TP73: variants seen among roughly 807,000 people sequenced by gnomAD.
TP73 encodes the protein p53-like transcription factor.
TP73 carries 25 observed loss-of-function variants against 62.5 expected under a neutral mutation model. The observed-to-expected ratio is 0.40, with a 90% confidence interval of 0.29 to 0.56. TP73 has a LOEUF of 0.56. TP73 is among the 20% of genes least tolerant of loss of function. The pLI is 0.46. For missense variants in TP73, 754 were observed against 913.3 expected (o/e 0.83, Z 2.25); for synonymous variants, 423 against 377.5 (o/e 1.12, Z -1.40).
At chr1:3,671,550 C>T (rs1284013824) in intron 1 of TP73, among the ~76,000 whole-genome samples, 2 of 152,186 alleles carry the variant, frequency 1.3e-5, no homozygotes, top group East Asian at 3.9e-4. Flanking sequence ...CTGCAGGAGC[C>T]GGGGCCTCCA....
intron 1 of TP73, among the ~76,000 whole-genome samples, chr1:3,669,664 G>C (rs938806455): frequency 3.3e-5 from 5 of 152,222 alleles, no homozygotes; most frequent in African/African-American, 9.6e-5. Context: ...AGCAAGCCAT[G>C]CCCCGGCCTC....
chr1:3,729,620 C>A, intron 10 of TP73, 172 bp downstream of exon 10: 1 of 1,233,452 alleles, frequency 8.1e-7, no homozygotes, highest in Non-Finnish European at 1.2e-6. Context: ...AGCCTTCTAG[C>A]ACTTGGGGCT....
chr1:3,668,087 C>T (rs180844399), intron 1 of TP73, among the ~76,000 whole-genome samples: 62 of 152,346 alleles, frequency 4.1e-4, no homozygotes, highest in Admixed American at 1.0e-3. Flanking sequence ...TTGAGAGGAG[C>T]CAGGCACCAG....
At chr1:3,707,160 G>A (rs1040736318) in intron 3 of TP73, among the ~76,000 whole-genome samples, 2 of 152,156 alleles carry the variant, frequency 1.3e-5, no homozygotes, top group Non-Finnish European at 2.9e-5. Flanking sequence ...CCCTGGGGCT[G>A]GATCTCCCCA....
chr1:3,732,973 C>T lies in TP73; in HGVS notation c.1805C>T (p.Pro602Leu). The T allele has an allele frequency of 6.2e-7, 1 of 1,600,046 alleles. No individual in the cohort carries two copies. The change falls in exon 14 of 14, where the codon CCA becomes CTA. Residue 602 changes from proline to leucine, a missense_variant. This residue lies in a region of TP73 where 458 missense variants were observed against 528.7 expected (regional missense o/e 0.87). Coordinates refer to ENST00000378295, the MANE Select transcript of TP73 (RefSeq NM_005427.4). The part of the protein sequence containing the change: ...HTITIPNRGG[P>L]GGGPDEWADF... ...ATCACCATCCCCAACCGCGGCGGCC[C>T]AGGCGGCGGCCCTGACGAGTGGGCG...
chr1:3,726,395 G>GCAGA (rs145686205), intron 6 of TP73, among the ~76,000 whole-genome samples: 10 of 91,094 alleles, frequency 1.1e-4, no homozygotes, highest in East Asian at 7.1e-4. Context: ...AAATGGGGGA[G>GCAGA]TGGATGGATG....
At chr1:3,682,932 A>G in intron 2 of TP73, 128 bp from the exon 3 acceptor site, 1 of 1,278,630 alleles carries the variant, frequency 7.8e-7, no homozygotes, top group Admixed American at 2.3e-5. Context: ...GATGAGAGGG[A>G]ATGGGAAGGG....
At position 3,713,673 on chromosome 1, in the gene TP73, C is replaced by A. The variant is rs141179409; in HGVS notation, c.429+5882C>A. Among the ~76,000 whole-genome samples the A allele has an allele frequency of 4.9e-3, 742 of 152,292 alleles. 9 individuals carry two copies. Among genetic ancestry groups the A allele is most frequent in the African/African-American group, 0.016 (679 of 41,558 alleles). On this transcript the variant is annotated intron_variant, in intron 4 of 13. Coordinates refer to ENST00000378295, the MANE Select transcript of TP73 (RefSeq NM_005427.4). ...GCCTCTGGGTAGAGAAGGCCCTGAGCGACCTCCAGACCTTCTGTCCCTTTT... is the reference window on the plus strand; with the variant it reads ...GCCTCTGGGTAGAGAAGGCCCTGAGAGACCTCCAGACCTTCTGTCCCTTTT...
chr1:3,728,069 A>G, intron 8 of TP73, 60 bp from the exon 9 acceptor site: 2 of 1,507,630 alleles, frequency 1.3e-6, no homozygotes, highest in East Asian at 2.3e-5. Flanking sequence ...CTCCTCCCGG[A>G]AGGAGGCCTC....
chr1:3,692,373 T>C (rs1645867436), intron 3 of TP73, among the ~76,000 whole-genome samples: 1 of 152,184 alleles, frequency 6.6e-6, no homozygotes, highest in Non-Finnish European at 1.5e-5. Flanking sequence ...GGCGGCACCA[T>C]GGCCTCTCCA....
chr1:3,682,913 C>G lies in TP73; in HGVS notation c.66-147C>G, dbSNP rs1206414608. 7.2e-6 allele frequency: 8 copies of G among 1,118,124 alleles called. No homozygotes were observed. The African/African-American group carries it at 9.4e-5, about 13-fold the overall frequency. 69.3% of individuals were successfully genotyped at this position (1,118,124 alleles called of 1,614,324 possible). On this transcript the variant is annotated intron_variant, in intron 2 of 13. Coordinates refer to ENST00000378295, the MANE Select transcript of TP73 (RefSeq NM_005427.4). Reference sequence around the variant, plus strand: ...CAGCCCTGGAATGGCAGGTGGAGGACAGAGATGGGATGAGAGGGAATGGGA... The same window carrying G: ...CAGCCCTGGAATGGCAGGTGGAGGAGAGAGATGGGATGAGAGGGAATGGGA...
chr1:3,700,364 C>G (rs1452187918), intron 3 of TP73, among the ~76,000 whole-genome samples: 1 of 152,194 alleles, frequency 6.6e-6, no homozygotes, highest in Non-Finnish European at 1.5e-5. Context: ...ATGGCACGGT[C>G]GTGACCTCCC....
At chr1:3,688,739 G>A (rs535888676) in intron 3 of TP73, among the ~76,000 whole-genome samples, 20 of 152,316 alleles carry the variant, frequency 1.3e-4, no homozygotes, top group African/African-American at 4.6e-4. Flanking sequence ...AGTTGGAAAC[G>A]TGTAGCTCAG....
In TP73 at chr1:3,662,027, C is replaced by T. The variant is rs1371069241; in HGVS notation, c.-34+9386C>T. ...TGAACTATGATGGTGCCACTGCACT[C>T]TAGCCTGGGTGACAGAGTGAGACCC... On this transcript the variant is annotated intron_variant, in intron 1 of 13. Transcript: ENST00000378295. This position sits in a 1 kb window ranked among gnomAD's most constrained non-coding sequence, Gnocchi z 4.4. The T allele has an allele frequency of 6.6e-6, 1 of 151,010 alleles. No homozygotes were observed. The allele number at this position is 151,010 out of a possible 1,614,324, so 9.4% of individuals were successfully genotyped here.
chr1:3,675,866 G>A (rs1645353480), intron 1 of TP73, among the ~76,000 whole-genome samples: 1 of 152,196 alleles, frequency 6.6e-6, no homozygotes, highest in Non-Finnish European at 1.5e-5. Flanking sequence ...CCAAGGAAAT[G>A]TCTGGTCTCC....
chr1:3,716,048 G>A (rs1436079517), intron 4 of TP73, among the ~76,000 whole-genome samples: 1 of 152,190 alleles, frequency 6.6e-6, no homozygotes, highest in African/African-American at 2.4e-5. Flanking sequence ...AGGTCGTGGT[G>A]GGGCAGACTG....
Position 3,730,111 on chromosome 1 carries a change from G to C in TP73, c.1308G>C (p.Pro436=), listed in dbSNP as rs753140323. 1.3e-6 allele frequency: 2 copies of C among 1,574,100 alleles called. No homozygotes were observed. The highest frequency in any genetic ancestry group is 2.3e-5 in the South Asian group (2 of 86,154). ...ACCAGCTGGTGGGCCAGCCTCCCCC[G>C]CACAGTTCGGCAGCTACACCCAACC... is the stretch of plus-strand genomic sequence containing the variant. The part of the protein sequence containing the change: ...SVNQLVGQPP[P]HSSAATPNLG... The change falls in exon 11 of 14, where the codon CCG becomes CCC. Residue 436 remains proline, a synonymous_variant. Coordinates refer to ENST00000378295, the MANE Select transcript of TP73 (RefSeq NM_005427.4).
At position 3,699,011 on chromosome 1, in the gene TP73, G is replaced by C. The variant is rs977220670; in HGVS notation, c.187-8538G>C. Among the ~76,000 whole-genome samples, 2 of 152,190 alleles carry C rather than the reference G, an allele frequency of 1.3e-5. No individual in the cohort carries two copies. Among genetic ancestry groups the C allele is most frequent in the East Asian group, 3.9e-4 (2 of 5,190 alleles). ...TGGCCCTGGCACGGGATTGGGCAAG[G>C]CCTCGCCTCAGCCCCGGGTGAGAGC... On this transcript the variant is annotated intron_variant, in intron 3 of 13. Transcript: ENST00000378295. The surrounding 1 kb of genome is among the most constrained non-coding windows in gnomAD (Gnocchi z 4.1).
At chr1:3,712,821 G>A (rs532003616) in intron 4 of TP73, among the ~76,000 whole-genome samples, 1 of 152,210 alleles carries the variant, frequency 6.6e-6, no homozygotes. Context: ...GTCAGCAGAG[G>A]GCAGAGCCGG....
Sources: allele counts gnomAD v4.1 joint callset (sites outside exome capture counted in the v4.1 genomes callset), GRCh38; gene constraint gnomAD v4.1.1; regional missense constraint gnomAD v4.1.1; non-coding constraint Gnocchi (gnomAD v3.1); transcripts MANE v1.5; gene names NCBI Gene and HGNC (gene_info 2026-07-23, HGNC 2026-07-21).